The following MPPED1 variants were observed in gnomAD, a reference collection of about 807,000 sequenced individuals.
The protein encoded by MPPED1 is metallophosphoesterase domain-containing protein 1.
Under a neutral mutation model 36.2 loss-of-function variants are expected in MPPED1, and 16 were observed. The observed-to-expected ratio is 0.44, with a 90% CI of 0.30 to 0.67. MPPED1 has a LOEUF of 0.67. Among genes scored for constraint, MPPED1 ranks in the 30% least tolerant of loss-of-function variants. The pLI is 0.10. For missense variants in MPPED1, 307 were observed against 453.4 expected (o/e 0.68, Z 2.93); for synonymous variants, 199 against 191.3 (o/e 1.04, Z -0.33).
rs1289791656 is a variant in MPPED1, at chr22:43,447,877, ATATATATTT to A, written c.406+12664_406+12672del. Among the ~76,000 whole-genome samples the A allele has an allele frequency of 1.2e-3, 39 of 32,476 alleles. 1 individual carries two copies. The highest frequency in any genetic ancestry group is 6.4e-3 in the African/African-American group (36 of 5,588). The allele number at this position is 32,476 out of a possible 152,430, so 21.3% of individuals were successfully genotyped here. A position where few individuals can be genotyped will look rare whatever the true frequency, so the allele number is the denominator to read the frequency against. Reference sequence around the variant, plus strand: ...GTAAATATTATATATATATATATATATATATATTTTTTTTTTTTTTAGACAAAGTCTCGC... The same window carrying A: ...GTAAATATTATATATATATATATATATTTTTTTTTTTAGACAAAGTCTCGC... On this transcript the variant is annotated intron_variant, in intron 3 of 6. Transcript: ENST00000443721.
rs192570746 is a variant in MPPED1 at position 43,506,018 on chromosome 22, G to A, written c.*402G>A. 3.6e-4 allele frequency: 60 copies of A among 167,820 alleles called. No homozygotes were observed. Among genetic ancestry groups the A allele is most frequent in the African/African-American group, 2.6e-4 (11 of 42,032 alleles). The allele number at this position is 167,820 out of a possible 1,614,324, so 10.4% of individuals were successfully genotyped here. On this transcript the variant is annotated 3_prime_UTR_variant, in exon 7 of 7. Coordinates refer to ENST00000443721, the MANE Select transcript of MPPED1 (RefSeq NM_001044370.2). ...CCCTCTAACCACGGGTCTGTGTGGC[G>A]GCATGCCCCTGGGTTGGGGTGGGTG...
At chr22:43,440,747 C>T (rs1479557970) in intron 3 of MPPED1, among the ~76,000 whole-genome samples, 1 of 152,104 alleles carries the variant, frequency 6.6e-6, no homozygotes, top group African/African-American at 2.4e-5. Context: ...CCCCCACAGC[C>T]TGAGGACCCT....
At chr22:43,498,471 T>C in intron 5 of MPPED1, 121 bp downstream of exon 5, 2 of 686,374 alleles carry the variant, frequency 2.9e-6, no homozygotes, top group South Asian at 4.0e-5. Flanking sequence ...TCCCACTTGC[T>C]GGGGCACTGA....
At chr22:43,500,125 TG>T in intron 5 of MPPED1, among the ~76,000 whole-genome samples, 2 of 102,448 alleles carry the variant, frequency 2.0e-5, no homozygotes, top group Non-Finnish European at 4.0e-5. Flanking sequence ...AAGGTGGTGA[TG>T]GAGGTGGTAA....
chr22:43,436,706 C>T (rs754412449), intron 3 of MPPED1, among the ~76,000 whole-genome samples: 2 of 152,240 alleles, frequency 1.3e-5, no homozygotes, highest in Non-Finnish European at 2.9e-5. Flanking sequence ...CAGGAGGTTC[C>T]ACTTGGTGGA....
chr22:43,491,280 T>C (rs1331636977), intron 4 of MPPED1, among the ~76,000 whole-genome samples: 6 of 152,144 alleles, frequency 3.9e-5, no homozygotes, highest in African/African-American at 1.4e-4. Context: ...GTGATGGTGA[T>C]GGTGGTGATA....
At chr22:43,413,336 G>A (rs1325032248) in intron 1 of MPPED1, among the ~76,000 whole-genome samples, 1 of 151,686 alleles carries the variant, frequency 6.6e-6, no homozygotes, top group African/African-American at 2.4e-5. Flanking sequence ...GGGCGGGGGC[G>A]GGTCAGGCAG....
At chr22:43,458,378 C>T (rs568842674) in intron 3 of MPPED1, among the ~76,000 whole-genome samples, 1 of 152,108 alleles carries the variant, frequency 6.6e-6, no homozygotes, top group South Asian at 2.1e-4. Flanking sequence ...CTCTGACCCC[C>T]TGGTTCAAGT....
intron 4 of MPPED1, among the ~76,000 whole-genome samples, chr22:43,479,223 T>C (rs759501357): frequency 2.6e-5 from 4 of 152,172 alleles, no homozygotes; most frequent in African/African-American, 7.2e-5. Flanking sequence ...ATGTTCCAGA[T>C]TTTCCTTTTC....
chr22:43,449,379 C>T (rs919808702), intron 3 of MPPED1, among the ~76,000 whole-genome samples: 5 of 151,958 alleles, frequency 3.3e-5, no homozygotes, highest in African/African-American at 1.2e-4. Flanking sequence ...GGATCTGGAT[C>T]GTCAGGTACA....
chr22:43,475,784 G>C (rs1436922941), intron 4 of MPPED1, among the ~76,000 whole-genome samples: 2 of 76,568 alleles, frequency 2.6e-5, no homozygotes, highest in Non-Finnish European at 5.6e-5. Context: ...TGAGGGTGAG[G>C]GTGATGATAG....
intron 4 of MPPED1, among the ~76,000 whole-genome samples, chr22:43,488,771 G>C (rs1293418221): frequency 2.0e-5 from 3 of 152,266 alleles, no homozygotes; most frequent in African/African-American, 4.8e-5. Flanking sequence ...CTTTAGAACA[G>C]AAAGACAGAA....
chr22:43,424,873 A>T (rs545892624), intron 1 of MPPED1, 35 bp from the exon 2 acceptor site: 51 of 1,483,412 alleles, frequency 3.4e-5, no homozygotes, highest in Non-Finnish European at 4.5e-5. Flanking sequence ...TCCCAAACAG[A>T]TTAACTGTCG....
At chr22:43,424,797 T>G (rs1275572573) in intron 1 of MPPED1, 111 bp from the exon 2 acceptor site, 2 of 1,386,618 alleles carry the variant, frequency 1.4e-6, no homozygotes, top group Admixed American at 5.7e-5. Context: ...ACGACTGTGT[T>G]TTTTTTTCCT....
chr22:43,444,181 A>G (rs1219056128), intron 3 of MPPED1, among the ~76,000 whole-genome samples: 1 of 152,056 alleles, frequency 6.6e-6, no homozygotes, highest in African/African-American at 2.4e-5. Flanking sequence ...TAATTACAGT[A>G]TTTTCATGTT....
At chr22:43,475,765 TGATGAG>T (rs1931550111) in intron 4 of MPPED1, among the ~76,000 whole-genome samples, 1 of 124,342 alleles carries the variant, frequency 8.0e-6, no homozygotes. Flanking sequence ...GTGATGATGA[TGATGAG>T]GGTGAGGGTG....
At chr22:43,479,506 C>G (rs938853807) in intron 4 of MPPED1, among the ~76,000 whole-genome samples, 1 of 152,212 alleles carries the variant, frequency 6.6e-6, no homozygotes, top group African/African-American at 2.4e-5. Flanking sequence ...GAAGACTCCC[C>G]CATAGGCAGG....
At chr22:43,475,562 ATGATGATGGTTGTGGTGGTGGTGG>A (rs1931530197) in intron 4 of MPPED1, among the ~76,000 whole-genome samples, 2 of 18,906 alleles carry the variant, frequency 1.1e-4, no homozygotes, top group African/African-American at 2.4e-4. Context: ...GATGGTGGTG[ATGATGATGGTTGTGGTGGTGGTGG>A]TGGTGGTGAT....
intron 4 of MPPED1, among the ~76,000 whole-genome samples, chr22:43,488,616 C>G (rs1341986038): frequency 1.3e-5 from 2 of 152,218 alleles, no homozygotes; most frequent in East Asian, 1.9e-4. Flanking sequence ...GTATTCAGCG[C>G]TCTGTTAAAG....
Sources: gnomAD v4.1 joint callset for allele counts (sites outside exome capture counted in the v4.1 genomes callset) on GRCh38, gnomAD v4.1.1 for gene constraint, MANE v1.5 for transcripts, NCBI Gene and HGNC (gene_info 2026-07-23, HGNC 2026-07-21) for gene names.